Variants in GLS2 observed in about 807,000 individuals in gnomAD.
GLS2 encodes glutaminase liver isoform, mitochondrial.
GLS2 carries 52 observed loss-of-function variants against 79.0 expected under a neutral mutation model. The observed-to-expected ratio is 0.66, with a 90% CI of 0.53 to 0.83. GLS2 has a LOEUF of 0.83. GLS2 is among the 40% of genes least tolerant of loss of function. The pLI is 0.00. For missense variants in GLS2, 561 were observed against 764.8 expected, an observed-to-expected ratio of 0.73 and a Z score of 3.14; for synonymous variants, 238 against 280.8, an observed-to-expected ratio of 0.85 and a Z score of 1.52.
At chr12:56,472,264 T>C in intron 15 of GLS2, 69 bp from the exon 16 acceptor site, 1 of 1,401,654 alleles carries the variant, frequency 7.1e-7, no homozygotes, top group Middle Eastern at 1.8e-4. Context: ...CTTTGTGAAC[T>C]GGTGTCAGAC....
chr12:56,486,298 G>C (rs1870681229), intron 1 of GLS2, among the ~76,000 whole-genome samples: 1 of 152,176 alleles, frequency 6.6e-6, no homozygotes, highest in Non-Finnish European at 1.5e-5. Flanking sequence ...CACTGGATAA[G>C]GAGGTGTGTG....
At chr12:56,482,953 C>G (rs1313533375) in intron 1 of GLS2, among the ~76,000 whole-genome samples, 1 of 152,052 alleles carries the variant, frequency 6.6e-6, no homozygotes, top group African/African-American at 2.4e-5. Flanking sequence ...GCGATTAAGA[C>G]CCTTCAAAGA....
In GLS2 at chr12:56,479,248, G is replaced by A. The variant is rs535191996; in HGVS notation, c.405-67C>T. On this transcript the variant is annotated intron_variant, in intron 3 of 17. Transcript: ENST00000311966. ...CAGCTGGGACTCACTCTGGAGCCACGGAAATTGGGAATAAAGAAGGTTGAG... is the reference window on the plus strand; with the variant it reads ...CAGCTGGGACTCACTCTGGAGCCACAGAAATTGGGAATAAAGAAGGTTGAG... The A allele has an allele frequency of 4.4e-4, 685 of 1,573,650 alleles. 4 individuals carry two copies. In the South Asian group the frequency reaches 6.8e-3, roughly 16 times the overall value.
At chr12:56,478,447 G>A in intron 4 of GLS2, 185 bp from the exon 5 acceptor site, 1 of 609,054 alleles carries the variant, frequency 1.6e-6, no homozygotes, top group Non-Finnish European at 2.9e-6. Flanking sequence ...CCATATCTTT[G>A]TGTATCCGCA....
rs1276252096 is a variant in GLS2, at chr12:56,471,098, C to G, written c.*389G>C. On this transcript the variant is annotated 3_prime_UTR_variant, in exon 18 of 18. Transcript: ENST00000311966. ...CATGTATATAGCCATTCCCACTTCCCATATTCTGTGGATATGTACATGTGC... is the reference window on the plus strand; with the variant it reads ...CATGTATATAGCCATTCCCACTTCCGATATTCTGTGGATATGTACATGTGC... The G allele has an allele frequency of 8.3e-6, 3 of 363,114 alleles. No individual in the cohort carries two copies. Among genetic ancestry groups the G allele is most frequent in the Admixed American group, 4.5e-5 (1 of 22,148 alleles). The allele number at this position is 363,114 out of a possible 1,614,324, so 22.5% of individuals were successfully genotyped here.
At chr12:56,478,390 T>C (rs1870011909) in intron 4 of GLS2, 128 bp from the exon 5 acceptor site, 1 of 906,466 alleles carries the variant, frequency 1.1e-6, no homozygotes, top group Admixed American at 2.4e-5. Flanking sequence ...AGGGGTTCCC[T>C]CCTGCCTGTT....
At chr12:56,478,824 C>G in intron 4 of GLS2, 1 of 466,900 alleles carries the variant, frequency 2.1e-6, no homozygotes, top group South Asian at 2.8e-5. Flanking sequence ...AAAACCCCAT[C>G]TCTACTAAAA....
chr12:56,475,321 C>G, intron 9 of GLS2: 1 of 1,278,996 alleles, frequency 7.8e-7, no homozygotes, highest in Non-Finnish European at 1.1e-6. Context: ...AACCAAACAC[C>G]CCAAACTGTC....
chr12:56,487,969 C>T lies in GLS2; in HGVS notation c.150G>A (p.Thr50=). The T allele has an allele frequency of 1.2e-6, 2 of 1,602,784 alleles. No homozygotes were observed. Among genetic ancestry groups the T allele is most frequent in the Non-Finnish European group, 8.5e-7 (1 of 1,179,666 alleles). The change falls in exon 1 of 18, where the codon ACG becomes ACA. Residue 50 remains threonine, a synonymous_variant. Coordinates refer to ENST00000311966, the MANE Select transcript of GLS2 (RefSeq NM_013267.4). ...LSEAAAQGRE[T]PHSHQPQHQD... is the part of the protein sequence containing the mutation. ...GGTGCTGCGGCTGGTGGCTGTGTGGCGTCTCTCTGCCCTGCGCCGCGGCCT... is the reference window on the plus strand; with the variant it reads ...GGTGCTGCGGCTGGTGGCTGTGTGGTGTCTCTCTGCCCTGCGCCGCGGCCT...
At chr12:56,485,656 G>T (rs1216403368) in intron 1 of GLS2, among the ~76,000 whole-genome samples, 1 of 152,182 alleles carries the variant, frequency 6.6e-6, no homozygotes, top group African/African-American at 2.4e-5. Context: ...ATAGTGATCA[G>T]ATAAGGGTAA....
chr12:56,488,016 C>G lies in GLS2; in HGVS notation c.103G>C (p.Gly35Arg), dbSNP rs937645964. The change falls in exon 1 of 18, where the codon GGC (glycine) becomes CGC (arginine). Residue 35 changes from glycine (G) to arginine (R), a missense_variant. Physicochemically the swap from Gly to Arg is moderately radical, Grantham distance 125. This residue lies in a region of GLS2 where 161 missense variants were observed against 167.8 expected (regional missense o/e 0.96). Transcript: ENST00000311966. ...GCCTCACTGAGGTGGTGCCGGACGC[C>G]CCCGCCAAGGAGGGGGCTCCGGCTC... ...HPSRSPLLGG[G>R]VRHHLSEAAA... 6.3e-7 allele frequency: 1 copy of G among 1,598,698 alleles called. No homozygotes were observed. Among genetic ancestry groups the G allele is most frequent in the Non-Finnish European group, 8.5e-7 (1 of 1,178,704 alleles).
intron 1 of GLS2, among the ~76,000 whole-genome samples, chr12:56,486,797 T>C (rs952798516): frequency 2.6e-5 from 4 of 152,166 alleles, no homozygotes; most frequent in African/African-American, 7.2e-5. Flanking sequence ...GAGGTGGAGA[T>C]TGCAGTGAGT....
rs755930387 is a variant in GLS2 at position 56,474,866 on chromosome 12, C to T, written c.1027G>A (p.Ala343Thr). 1 of 1,614,044 alleles carries T rather than the reference C, an allele frequency of 6.2e-7. No individual in the cohort carries two copies. Among genetic ancestry groups the T allele is most frequent in the Non-Finnish European group, 8.5e-7 (1 of 1,180,028 alleles). ...CFPKGVDMMA[A>T]LDLYFQLCSV... ...CTTACCTGGAAGTAGAGATCAAGGG[C>T]AGCCATCATGTCCACCCCCTTAGGA... The change falls in exon 11 of 18, where the codon GCC (alanine) becomes ACC (threonine). Residue 343 changes from alanine to threonine, a missense_variant. By Grantham distance (58) the Ala-to-Thr change is moderately conservative. Transcript: ENST00000311966.
At chr12:56,481,131 CT>C (rs796189449) in intron 1 of GLS2, among the ~76,000 whole-genome samples, 3,268 of 137,348 alleles carry the variant, frequency 0.024, 117 homozygotes, top group African/African-American at 0.077. Flanking sequence ...TTCAATCCAT[CT>C]TTTTTTTTTT....
chr12:56,475,782 G>T, intron 8 of GLS2, 100 bp from the exon 9 acceptor site: 1 of 1,408,444 alleles, frequency 7.1e-7, no homozygotes. Flanking sequence ...CTTGTCAAGA[G>T]GCTTTCCTCT....
intron 15 of GLS2, chr12:56,472,486 C>G (rs1869372985): frequency 4.9e-6 from 3 of 613,658 alleles, no homozygotes; most frequent in Non-Finnish European, 8.6e-6. Flanking sequence ...CACTCAATAA[C>G]AATGGCTAAC....
rs769120840 is a variant in GLS2, at chr12:56,475,661, T to C, written c.892A>G (p.Met298Val). 1.4e-5 allele frequency: 23 copies of C among 1,614,090 alleles called. No homozygotes were observed. Among genetic ancestry groups the C allele is most frequent in the Non-Finnish European group, 1.7e-6 (2 of 1,180,042 alleles). ...AAACCCATGTATTCATTCCCAGCCA[T>C]TTTGTTGAGATACTGCAACACCTGG... ...FDFVLQYLNK[M>V]AGNEYMGFSN... The change falls in exon 9 of 18, where the codon ATG becomes GTG. Residue 298 changes from methionine to valine, a missense_variant. By Grantham distance (21) the Met-to-Val change is conservative. Transcript: ENST00000311966.
intron 9 of GLS2, 45 bp downstream of exon 9, chr12:56,475,579 C>T (rs1224883762): frequency 1.9e-6 from 3 of 1,587,204 alleles, no homozygotes; most frequent in Non-Finnish European, 1.7e-6. Context: ...AGTACACACA[C>T]ATACACCACA....
At position 56,474,899 on chromosome 12, in the gene GLS2, G is replaced by A. The variant is rs771446245; in HGVS notation, c.997-3C>T. 5 of 1,614,004 alleles carry A rather than the reference G, an allele frequency of 3.1e-6. No individual in the cohort carries two copies. The East Asian group carries it at 1.1e-4, about 36-fold the overall frequency. On this transcript the variant is annotated splice_region_variant and splice_polypyrimidine_tract_variant and intron_variant, in intron 10 of 17. Coordinates refer to ENST00000311966, the MANE Select transcript of GLS2 (RefSeq NM_013267.4). ...ATGTCCACCCCCTTAGGAAAGCACT[G>A]CAAGGAAGAGAGGGGAGAGCATTTC...
Sources: allele counts gnomAD v4.1 joint callset (sites outside exome capture counted in the v4.1 genomes callset), GRCh38; gene constraint gnomAD v4.1.1; regional missense constraint gnomAD v4.1.1; transcripts MANE v1.5; gene names NCBI Gene and HGNC (gene_info 2026-07-23, HGNC 2026-07-21).